SIDT2: variants seen among roughly 807,000 people sequenced by gnomAD.
SIDT2 encodes the protein SID1 transmembrane family, member 2.
Under a neutral mutation model 114.4 loss-of-function variants are expected in SIDT2, and 68 were observed. That is an observed-to-expected ratio of 0.59 (90% CI 0.49 to 0.73). The LOEUF is 0.73. Among genes scored for constraint, SIDT2 ranks in the 30% least tolerant of loss-of-function variants. The probability of loss-of-function intolerance (pLI) is 0.00; values close to 1 mark genes in which losing one functional copy is unlikely to be tolerated. For missense variants in SIDT2, 918 were observed against 1,097.1 expected (o/e 0.84, Z 2.31); for synonymous variants, 470 against 438.4 (o/e 1.07, Z -0.90).
intron 10 of SIDT2, chr11:117,186,977 CCTT>C (rs1260499344): frequency 4.8e-6 from 7 of 1,460,518 alleles, no homozygotes; most frequent in Non-Finnish European, 6.4e-6. Context: ...CTGCGTGGGA[CCTT>C]CTCTCTTAGC....
chr11:117,190,497 C>T lies in SIDT2; in HGVS notation c.1618-126C>T, dbSNP rs901780877. On this transcript the variant is annotated intron_variant, in intron 17 of 25. Transcript: ENST00000324225. This position sits in a 1 kb window ranked among gnomAD's most constrained non-coding sequence, Gnocchi z 4.1. ...CTGCCCAGGCCAGCCCACCCCTGCA[C>T]ACCCACACTCGACACATACCCCACC... 9.3e-7 allele frequency: 1 copy of T among 1,069,650 alleles called. No homozygotes were observed. The highest frequency in any genetic ancestry group is 1.3e-6 in the Non-Finnish European group (1 of 742,754). 66.3% of individuals were successfully genotyped at this position (1,069,650 alleles called of 1,614,324 possible).
chr11:117,182,407 C>T (rs2030324071), intron 4 of SIDT2, 112 bp from the exon 5 acceptor site: 1 of 953,712 alleles, frequency 1.0e-6, no homozygotes, highest in Non-Finnish European at 1.7e-6. Context: ...GCCTCCACTG[C>T]CCACCCCTCA....
chr11:117,190,174 A>G lies in SIDT2; in HGVS notation c.1502A>G (p.Asn501Ser). The change falls in exon 17 of 26, where the codon AAC becomes AGC. Residue 501 changes from asparagine (N) to serine (S), a missense_variant. Physicochemically the swap from Asn to Ser is conservative, Grantham distance 46 (BLOSUM62 1). Coordinates refer to ENST00000324225, the MANE Select transcript of SIDT2 (RefSeq NM_001040455.2). This position sits in a 1 kb window ranked among gnomAD's most constrained non-coding sequence, Gnocchi z 4.1. ...TGTGTTGCCCCTTCTAGCGCCTTCA[A>G]CAACATCCTCAGCAACCTGGGGTAC... is the stretch of plus-strand genomic sequence containing the variant. ...AHPLGNLSAFNNILSNLGYIL... is the reference protein window; with the variant it reads ...AHPLGNLSAFSNILSNLGYIL... The G allele has an allele frequency of 6.3e-7, 1 of 1,580,548 alleles. No individual in the cohort carries two copies. The highest frequency in any genetic ancestry group is 1.3e-5 in the African/African-American group (1 of 74,088).
intron 8 of SIDT2, 27 bp downstream of exon 8, chr11:117,184,166 G>T (rs748067258): frequency 5.0e-6 from 8 of 1,608,542 alleles, no homozygotes; most frequent in Non-Finnish European, 6.8e-6. Flanking sequence ...GCTGAGAGGG[G>T]ATGGACAAGC....
chr11:117,186,485 C>T (rs770998821), intron 9 of SIDT2, 99 bp from the exon 10 acceptor site: 4 of 1,203,886 alleles, frequency 3.3e-6, no homozygotes, highest in South Asian at 1.5e-5. Flanking sequence ...AGGGTCATAG[C>T]GATGAGAGTG....
chr11:117,190,027 TG>T lies in SIDT2; in HGVS notation c.1493+7del, dbSNP rs1202612710. 4 of 1,613,998 alleles carry T rather than the reference TG, an allele frequency of 2.5e-6. No homozygotes were observed. The South Asian group carries it at 4.4e-5, about 18-fold the overall frequency. The stretch of plus-strand genomic sequence containing the variant: ...CGCCCACCCACTGGGCAATCTCAGG[TG>T]GGGGTCATGCTGGGAGGCCCCTTGT... On this transcript the variant is annotated splice_donor_region_variant and intron_variant, in intron 16 of 25. Transcript: ENST00000324225. The surrounding 1 kb of genome is among the most constrained non-coding windows in gnomAD (Gnocchi z 4.1).
chr11:117,179,437 C>T lies in SIDT2; in HGVS notation c.174C>T (p.Thr58=). 6.2e-7 allele frequency: 1 copy of T among 1,613,196 alleles called. No homozygotes were observed. The highest frequency in any genetic ancestry group is 8.5e-7 in the Non-Finnish European group (1 of 1,179,444). Residue 58 remains threonine (T), a synonymous_variant, in exon 1 of 26, where the codon ACC becomes ACT. Coordinates refer to ENST00000324225, the MANE Select transcript of SIDT2 (RefSeq NM_001040455.2). ...TCTACACCTTCAACCATACTGTGAC[C>T]CGCAACAGGGTGAGGGCTGGGGGCT... ...VNIYTFNHTV[T]RNRTEGVRVS... is the part of the protein sequence containing the mutation.
intron 6 of SIDT2, among the ~76,000 whole-genome samples, chr11:117,183,101 T>C (rs557569123): frequency 7.9e-5 from 12 of 152,250 alleles, no homozygotes; most frequent in African/African-American, 2.6e-4. Flanking sequence ...CCCAGCACTT[T>C]GGGAGGCCGA....
intron 10 of SIDT2, chr11:117,186,845 G>C: frequency 9.5e-7 from 1 of 1,050,856 alleles, no homozygotes; most frequent in Non-Finnish European, 1.4e-6. Context: ...GGTGTTGCTT[G>C]GTTTATTCCA....
At chr11:117,186,371 A>T in intron 9 of SIDT2, 148 bp downstream of exon 9, 1 of 826,776 alleles carries the variant, frequency 1.2e-6, no homozygotes, top group Non-Finnish European at 2.0e-6. Flanking sequence ...GTGGCCCATG[A>T]GCCTCTCTAG....
At chr11:117,185,826 A>C (rs2030469686) in intron 8 of SIDT2, 2 of 292,054 alleles carry the variant, frequency 6.8e-6, no homozygotes, top group South Asian at 7.5e-5. Flanking sequence ...GTGAGCTATG[A>C]TCGTGCCACT....
Position 117,189,149 on chromosome 11 carries a change from T to C in SIDT2, c.1279-20T>C. 6.2e-7 allele frequency: 1 copy of C among 1,613,592 alleles called. No individual in the cohort carries two copies. Among genetic ancestry groups the C allele is most frequent in the Non-Finnish European group, 8.5e-7 (1 of 1,179,458 alleles). On this transcript the variant is annotated intron_variant, in intron 13 of 25. Transcript: ENST00000324225. ...TCTCCCAAGTAGCAGTAAGTGGGGC[T>C]GATTCCAGCTTCTCCCCAGCAATAC...
In SIDT2 at chr11:117,183,808, T is replaced by C; in HGVS notation, c.732T>C (p.Tyr244=). ...AAGACTTCCCCAGCAACAGCTTTTA[T>C]GTGGTGGTGGTGGTGAAGACCGAAG... ...QRKDFPSNSF[Y]VVVVVKTEDQ... Residue 244 remains tyrosine, a synonymous_variant, in exon 7 of 26, where the codon TAT becomes TAC. Coordinates refer to ENST00000324225, the MANE Select transcript of SIDT2 (RefSeq NM_001040455.2). 6.2e-7 allele frequency: 1 copy of C among 1,613,824 alleles called. No homozygotes were observed. The highest frequency in any genetic ancestry group is 8.5e-7 in the Non-Finnish European group (1 of 1,179,736).
At position 117,178,792 on chromosome 11, in the gene SIDT2, A is replaced by G. The variant is rs117933040; in HGVS notation, c.-472A>G. On this transcript the variant is annotated 5_prime_UTR_variant, in exon 1 of 26. Coordinates refer to ENST00000324225, the MANE Select transcript of SIDT2 (RefSeq NM_001040455.2). ...GTCCGCCCGCCCTTAAAGGGCCCGC[A>G]CCTCGGAAAACTCGCAGCCCAGCAC... 5,263 of 161,622 alleles carry G rather than the reference A, an allele frequency of 0.033. 127 individuals are homozygous for G. The highest frequency in any genetic ancestry group is 0.05 in the Non-Finnish European group (3,682 of 73,472). 10.0% of individuals were successfully genotyped at this position (161,622 alleles called of 1,614,324 possible). A position where few individuals can be genotyped will look rare whatever the true frequency, so the allele number is the denominator to read the frequency against.
In SIDT2 at chr11:117,181,695, C is replaced by T. The variant is rs1591765449; in HGVS notation, c.306-112C>T. 18 of 1,573,490 alleles carry T rather than the reference C, an allele frequency of 1.1e-5. No homozygotes were observed. In the East Asian group the frequency reaches 3.4e-4, roughly 29 times the overall value. On this transcript the variant is annotated intron_variant, in intron 2 of 25. Coordinates refer to ENST00000324225, the MANE Select transcript of SIDT2 (RefSeq NM_001040455.2). ...GTCCCACCAGCCGGGAGCTTGTGCACCTCGCAGGGAGGTGGTGGAGACCAG... is the reference window on the plus strand; with the variant it reads ...GTCCCACCAGCCGGGAGCTTGTGCATCTCGCAGGGAGGTGGTGGAGACCAG...
chr11:117,187,036 G>T lies in SIDT2; in HGVS notation c.1016-342G>T, dbSNP rs910778482. 6 of 1,456,156 alleles carry T rather than the reference G, an allele frequency of 4.1e-6. No individual in the cohort carries two copies. The East Asian group carries it at 1.8e-4, about 44-fold the overall frequency. The allele number at this position is 1,456,156 out of a possible 1,614,324, so 90.2% of individuals were successfully genotyped here. A position where few individuals can be genotyped will look rare whatever the true frequency, so the allele number is the denominator to read the frequency against. On this transcript the variant is annotated intron_variant, in intron 10 of 25. Coordinates refer to ENST00000324225, the MANE Select transcript of SIDT2 (RefSeq NM_001040455.2). ...AGGTGCTGTGGGCAGAGGAGCTGGA[G>T]TCCAGAGTAGGGGAGGGAGGGTGCA...
chr11:117,189,849 G>A, intron 15 of SIDT2, 103 bp from the exon 16 acceptor site: 3 of 1,011,944 alleles, frequency 3.0e-6, no homozygotes, highest in Middle Eastern at 4.1e-4. Context: ...CCTGCTAGCT[G>A]TGGTGGCACT....
rs373844476 is a variant in SIDT2 at position 117,181,861 on chromosome 11, C to G, written c.360C>G (p.Pro120=). 1.4e-5 allele frequency: 23 copies of G among 1,614,098 alleles called. No individual in the cohort carries two copies. In the South Asian group the frequency reaches 2.0e-4, roughly 14 times the overall value. ...QKVERTLCQP[P]TKNESEIQFF... is the part of the protein sequence containing the mutation. ...TGGAACGAACCCTGTGTCAGCCCCC[C>G]ACCAAGAATGAGTCGGAGATTCAGT... The change falls in exon 3 of 26, where the codon CCC becomes CCG. Residue 120 remains proline (P), a synonymous_variant. Coordinates refer to ENST00000324225, the MANE Select transcript of SIDT2 (RefSeq NM_001040455.2).
At chr11:117,181,202 A>G (rs919083459) in intron 1 of SIDT2, among the ~76,000 whole-genome samples, 17 of 152,062 alleles carry the variant, frequency 1.1e-4, no homozygotes, top group Non-Finnish European at 2.5e-4. Context: ...GCTGCCCTGC[A>G]CATGTCTGCC....
Sources: allele counts gnomAD v4.1 joint callset (sites outside exome capture counted in the v4.1 genomes callset), GRCh38; gene constraint gnomAD v4.1.1; non-coding constraint Gnocchi (gnomAD v3.1); transcripts MANE v1.5; gene names NCBI Gene and HGNC (gene_info 2026-07-23, HGNC 2026-07-21).